HSPA4L: variants seen among roughly 807,000 people sequenced by gnomAD.
The protein encoded by HSPA4L is heat shock 70 kDa protein 4L.
A neutral mutation model predicts 100.3 loss-of-function variants in HSPA4L; 48 were observed. The ratio of observed to expected loss-of-function variants is 0.48; its 90% confidence interval spans 0.38 to 0.61. HSPA4L has a LOEUF of 0.61. HSPA4L is among the 20% of genes least tolerant of loss of function. The pLI, the probability that HSPA4L is intolerant of heterozygous loss-of-function variation, is 0.00. For synonymous variants in HSPA4L, 319 were observed against 328.2 expected (o/e 0.97, Z 0.30); for missense variants, 886 against 988.6 (o/e 0.90, Z 1.39).
chr4:127,818,847 A>G (rs764989177), intron 13 of HSPA4L, among the ~76,000 whole-genome samples: 6 of 151,804 alleles, frequency 4.0e-5, no homozygotes, highest in Non-Finnish European at 8.8e-5. Flanking sequence ...GAGTGTACCT[A>G]TATAACCTGC....
At chr4:127,820,108 C>T (rs1733769280) in intron 13 of HSPA4L, among the ~76,000 whole-genome samples, 1 of 152,088 alleles carries the variant, frequency 6.6e-6, no homozygotes, top group East Asian at 1.9e-4. Flanking sequence ...ATTTTACAAT[C>T]CTGCAAACAA....
chr4:127,799,852 A>G lies in HSPA4L; in HGVS notation c.429+1143A>G, dbSNP rs540645452. 2.0e-5 allele frequency among the ~76,000 whole-genome samples: 3 copies of G among 152,330 alleles called. No individual in the cohort carries two copies. The South Asian group carries it at 6.2e-4, about 32-fold the overall frequency. ...CCTGGTTTGTAAGTGCTCAATGAAT[A>G]TTAAATGAACCATGCATGATAACTT... On this transcript the variant is annotated intron_variant, in intron 4 of 18. Transcript: ENST00000296464.
intron 4 of HSPA4L, among the ~76,000 whole-genome samples, chr4:127,799,294 A>T (rs1024776659): frequency 6.6e-6 from 1 of 152,056 alleles, no homozygotes; most frequent in Non-Finnish European, 1.5e-5. Flanking sequence ...ATTTTTTTTC[A>T]TAGGCATTTG....
chr4:127,833,846 C>G lies in HSPA4L; in HGVS notation c.*972C>G, dbSNP rs968869102. 1 of 152,018 alleles carries G rather than the reference C, an allele frequency of 6.6e-6. No homozygotes were observed. The highest frequency in any genetic ancestry group is 1.5e-5 in the Non-Finnish European group (1 of 67,992). 9.4% of individuals were successfully genotyped at this position (152,018 alleles called of 1,614,324 possible). On this transcript the variant is annotated 3_prime_UTR_variant, in exon 19 of 19. Transcript: ENST00000296464. ...CTAATGTTACCTTGTAGATTAAACACTATTAAGTGGTAATACTTGAAAAGG... is the reference window on the plus strand; with the variant it reads ...CTAATGTTACCTTGTAGATTAAACAGTATTAAGTGGTAATACTTGAAAAGG...
At position 127,794,059 on chromosome 4, in the gene HSPA4L, T is replaced by C. The variant is rs769699533; in HGVS notation, c.108-18T>C. On this transcript the variant is annotated intron_variant, in intron 1 of 18. Coordinates refer to ENST00000296464, the MANE Select transcript of HSPA4L (RefSeq NM_014278.4). ...TATAAAAGTACCATGGAACAAACTT[T>C]TTGTTTTTCTGGTTTAGGGCCTGTA... is the stretch of plus-strand genomic sequence containing the variant. 1 of 1,573,222 alleles carries C rather than the reference T, an allele frequency of 6.4e-7. No homozygotes were observed. Among genetic ancestry groups the C allele is most frequent in the Non-Finnish European group, 8.6e-7 (1 of 1,158,476 alleles).
intron 10 of HSPA4L, 141 bp from the exon 11 acceptor site, chr4:127,807,855 A>G (rs1471181712): frequency 1.3e-6 from 1 of 770,208 alleles, no homozygotes; most frequent in Admixed American, 3.4e-5. Flanking sequence ...TTAGAGCAAA[A>G]TCAGTAATTG....
chr4:127,793,818 A>T (rs1433334935), intron 1 of HSPA4L, among the ~76,000 whole-genome samples: 1 of 152,130 alleles, frequency 6.6e-6, no homozygotes, highest in African/African-American at 2.4e-5. Context: ...AGATCAGTGT[A>T]ATTTGAAAAA....
chr4:127,834,086 G>A lies in HSPA4L; in HGVS notation c.*1212G>A, dbSNP rs1734152098. ...ACTGTAAACTTAAGATGTATTTTAA[G>A]GACTTTATCTGTGCTTCATCACCCA... On this transcript the variant is annotated 3_prime_UTR_variant, in exon 19 of 19. Coordinates refer to ENST00000296464, the MANE Select transcript of HSPA4L (RefSeq NM_014278.4). 1 of 152,118 alleles carries A rather than the reference G, an allele frequency of 6.6e-6. No homozygotes were observed. The highest frequency in any genetic ancestry group is 6.6e-5 in the Admixed American group (1 of 15,258). 9.4% of individuals were successfully genotyped at this position (152,118 alleles called of 1,614,324 possible).
In HSPA4L at chr4:127,833,118, T is replaced by C; in HGVS notation, c.*244T>C. 1 of 337,920 alleles carries C rather than the reference T, an allele frequency of 3.0e-6. No homozygotes were observed. The highest frequency in any genetic ancestry group is 1.1e-4 in the South Asian group (1 of 8,764). The allele number at this position is 337,920 out of a possible 1,614,324, so 20.9% of individuals were successfully genotyped here. A position where few individuals can be genotyped will look rare whatever the true frequency, so the allele number is the denominator to read the frequency against. ...TAAGCTTTCCGGATAATTTTATATATCAAACATACAGGATGGATACATAGT... is the reference window on the plus strand; with the variant it reads ...TAAGCTTTCCGGATAATTTTATATACCAAACATACAGGATGGATACATAGT... On this transcript the variant is annotated 3_prime_UTR_variant, in exon 19 of 19. Coordinates refer to ENST00000296464, the MANE Select transcript of HSPA4L (RefSeq NM_014278.4).
At position 127,795,916 on chromosome 4, in the gene HSPA4L, T is replaced by G; in HGVS notation, c.306+8T>G. Reference sequence around the variant, plus strand: ...GGAAGTGCAGGAGTTAAGGTAAGCTTTATATTCCCAGGGTTACAAACATAT... The same window carrying G: ...GGAAGTGCAGGAGTTAAGGTAAGCTGTATATTCCCAGGGTTACAAACATAT... On this transcript the variant is annotated splice_region_variant and intron_variant, in intron 3 of 18. Coordinates refer to ENST00000296464, the MANE Select transcript of HSPA4L (RefSeq NM_014278.4). The G allele has an allele frequency of 6.2e-7, 1 of 1,612,370 alleles. No individual in the cohort carries two copies. Among genetic ancestry groups the G allele is most frequent in the Non-Finnish European group, 8.5e-7 (1 of 1,179,016 alleles).
At chr4:127,824,281 G>A (rs1388630864) in intron 16 of HSPA4L, among the ~76,000 whole-genome samples, 1 of 152,128 alleles carries the variant, frequency 6.6e-6, no homozygotes, top group Non-Finnish European at 1.5e-5. Context: ...TTTGGCTATT[G>A]TGAATAATGC....
At chr4:127,799,403 T>C (rs1733112289) in intron 4 of HSPA4L, among the ~76,000 whole-genome samples, 1 of 152,156 alleles carries the variant, frequency 6.6e-6, no homozygotes, top group African/African-American at 2.4e-5. Context: ...CCAGGTACTA[T>C]TTATAGGCAT....
chr4:127,789,536 T>C (rs1732812772), intron 1 of HSPA4L, among the ~76,000 whole-genome samples: 1 of 151,862 alleles, frequency 6.6e-6, no homozygotes, highest in Non-Finnish European at 1.5e-5. Flanking sequence ...TAGTCCCAGC[T>C]ACTCGGGAGG....
chr4:127,807,665 G>A (rs551617579), intron 10 of HSPA4L, among the ~76,000 whole-genome samples: 1 of 152,172 alleles, frequency 6.6e-6, no homozygotes, highest in African/African-American at 2.4e-5. Context: ...TAGGTGGCAA[G>A]TATTTTAGAA....
intron 14 of HSPA4L, among the ~76,000 whole-genome samples, chr4:127,821,546 C>T (rs962984508): frequency 4.0e-5 from 6 of 151,652 alleles, no homozygotes; most frequent in East Asian, 1.9e-4. Flanking sequence ...TTATTTTTAC[C>T]CTCAAACCTA....
chr4:127,801,286 G>T, intron 5 of HSPA4L, 49 bp downstream of exon 5: 1 of 1,289,622 alleles, frequency 7.8e-7, no homozygotes, highest in East Asian at 2.4e-5. Flanking sequence ...TACTGTTCTA[G>T]TTTTTTTCTA....
chr4:127,800,164 A>T (rs549294806), intron 4 of HSPA4L, among the ~76,000 whole-genome samples: 4 of 152,268 alleles, frequency 2.6e-5, no homozygotes, highest in Admixed American at 2.6e-4. Flanking sequence ...TTAAATAGAG[A>T]TGTAGTTAAT....
chr4:127,817,770 A>G (rs1733705732), intron 12 of HSPA4L, among the ~76,000 whole-genome samples: 1 of 152,154 alleles, frequency 6.6e-6, no homozygotes. Context: ...TGTGTAATTC[A>G]TAGATTTTGT....
At chr4:127,802,972 C>T (rs1733235326) in intron 6 of HSPA4L, among the ~76,000 whole-genome samples, 1 of 152,046 alleles carries the variant, frequency 6.6e-6, no homozygotes, top group African/African-American at 2.4e-5. Flanking sequence ...TCATTTAACC[C>T]TAGGGAGAGA....
Sources: allele counts gnomAD v4.1 joint callset (sites outside exome capture counted in the v4.1 genomes callset), GRCh38; gene constraint gnomAD v4.1.1; transcripts MANE v1.5; gene names NCBI Gene and HGNC (gene_info 2026-07-23, HGNC 2026-07-21).